EDN1: variants seen among roughly 807,000 people sequenced by gnomAD.
EDN1 encodes the protein endothelin-1.
Under a neutral mutation model 21.7 loss-of-function variants are expected in EDN1, and 11 were observed. The observed-to-expected ratio is 0.51, with a 90% CI of 0.32 to 0.84. The LOEUF is 0.84. EDN1 is among the 40% of genes least tolerant of loss of function. EDN1 has a pLI of 0.03. For synonymous variants in EDN1, 85 were observed against 90.6 expected (o/e 0.94, Z 0.35); for missense variants, 244 against 262.3 (o/e 0.93, Z 0.48).
chr6:12,240,078 C>T, the EDN1 span, among the ~76,000 whole-genome samples: 2 of 152,128 alleles, frequency 1.3e-5, no homozygotes, highest in African/African-American at 2.4e-5. Context: ...TGCTTATAGG[C>T]AGAATTGGTA....
chr6:12,282,438 A>T, the EDN1 span, among the ~76,000 whole-genome samples: 1 of 152,188 alleles, frequency 6.6e-6, no homozygotes, highest in South Asian at 2.1e-4. Flanking sequence ...GATCCTTTCC[A>T]CTTTGTAGCA....
chr6:12,287,673 A>G (rs1396954398), upstream of EDN1, among the ~76,000 whole-genome samples: 4 of 61,292 alleles, frequency 6.5e-5, no homozygotes, highest in African/African-American at 2.5e-4. Context: ...CTCTTCTCCT[A>G]TCTCTCTCTC....
At chr6:12,266,674 C>T in the EDN1 span, among the ~76,000 whole-genome samples, 2 of 152,140 alleles carry the variant, frequency 1.3e-5, no homozygotes, top group Admixed American at 6.5e-5. Flanking sequence ...GGAAAGGTGA[C>T]AACTAAGCAG....
chr6:12,273,574 A>G, the EDN1 span, among the ~76,000 whole-genome samples: 1 of 145,556 alleles, frequency 6.9e-6, no homozygotes, highest in African/African-American at 2.5e-5. Flanking sequence ...TTAAACACTG[A>G]TGAGAGATGC....
At chr6:12,244,463 T>C in the EDN1 span, among the ~76,000 whole-genome samples, 3 of 152,236 alleles carry the variant, frequency 2.0e-5, no homozygotes, top group Non-Finnish European at 4.4e-5. Context: ...AAAGTTTTGC[T>C]TGAAGGTTCA....
At chr6:12,238,377 G>A in the EDN1 span, among the ~76,000 whole-genome samples, 1 of 152,128 alleles carries the variant, frequency 6.6e-6, no homozygotes, top group African/African-American at 2.4e-5. Flanking sequence ...GCGTCATGGG[G>A]AAAGTGAAGG....
chr6:12,280,260 G>A, the EDN1 span, among the ~76,000 whole-genome samples: 10 of 152,252 alleles, frequency 6.6e-5, no homozygotes, highest in East Asian at 1.7e-3. Flanking sequence ...CAATGAAGAC[G>A]AGCAGCAGGA....
At chr6:12,233,802 G>C in the EDN1 span, among the ~76,000 whole-genome samples, 1 of 152,182 alleles carries the variant, frequency 6.6e-6, no homozygotes, top group African/African-American at 2.4e-5. Context: ...CCTTGGGGTT[G>C]ATGTCCCAAG....
the EDN1 span, among the ~76,000 whole-genome samples, chr6:12,241,150 TTTTC>T: frequency 9.5e-5 from 14 of 146,942 alleles, no homozygotes; most frequent in African/African-American, 2.2e-4. Flanking sequence ...CTTTTTTTTC[TTTTC>T]TTTCTTTCTT....
chr6:12,241,125 G>C, the EDN1 span, among the ~76,000 whole-genome samples: 1 of 151,448 alleles, frequency 6.6e-6, no homozygotes, highest in African/African-American at 2.4e-5. Flanking sequence ...TACACTGTGG[G>C]AACCTTAGGA....
the EDN1 span, among the ~76,000 whole-genome samples, chr6:12,246,361 A>C: frequency 1.3e-5 from 2 of 152,300 alleles, no homozygotes; most frequent in African/African-American, 4.8e-5. Context: ...GCTCAGAGGC[A>C]ATCACTTCTT....
upstream of EDN1, among the ~76,000 whole-genome samples, chr6:12,285,970 T>C (rs1009794082): frequency 2.6e-5 from 4 of 152,248 alleles, no homozygotes; most frequent in African/African-American, 4.8e-5. Flanking sequence ...TGATTTCATA[T>C]GGATTATTTA....
the EDN1 span, among the ~76,000 whole-genome samples, chr6:12,253,488 A>T: frequency 6.6e-6 from 1 of 152,184 alleles, no homozygotes; most frequent in African/African-American, 2.4e-5. Flanking sequence ...AATAGCAAAA[A>T]CTAGCATATG....
At chr6:12,276,546 G>T in the EDN1 span, among the ~76,000 whole-genome samples, 1 of 152,206 alleles carries the variant, frequency 6.6e-6, no homozygotes, top group Admixed American at 6.5e-5. Context: ...CAAGACGTTT[G>T]TACCGAGTTA....
Position 12,296,165 on chromosome 6 carries a change from C to A in EDN1, c.*98C>A. 1 of 1,084,958 alleles carries A rather than the reference C, an allele frequency of 9.2e-7. No homozygotes were observed. The highest frequency in any genetic ancestry group is 1.3e-5 in the South Asian group (1 of 79,984). 67.2% of individuals were successfully genotyped at this position (1,084,958 alleles called of 1,614,324 possible). On this transcript the variant is annotated 3_prime_UTR_variant, in exon 5 of 5. Coordinates refer to ENST00000379375, the MANE Select transcript of EDN1 (RefSeq NM_001955.5). ...TGGCTGGGATCAGAGCAGGAGCATC[C>A]TCTGCTGGTTCCTGACTGGCAAAGG...
chr6:12,290,141 T>A (rs1303436571), upstream of EDN1, among the ~76,000 whole-genome samples: 1 of 152,194 alleles, frequency 6.6e-6, no homozygotes, highest in Non-Finnish European at 1.5e-5. Flanking sequence ...ATGGGTATTT[T>A]CTTTTTCTTA....
At chr6:12,248,905 A>G in the EDN1 span, among the ~76,000 whole-genome samples, 1 of 152,254 alleles carries the variant, frequency 6.6e-6, no homozygotes, top group Non-Finnish European at 1.5e-5. Flanking sequence ...TGTATATTCA[A>G]TGTGATGATA....
the EDN1 span, among the ~76,000 whole-genome samples, chr6:12,261,442 G>T: frequency 6.6e-6 from 1 of 152,358 alleles, no homozygotes; most frequent in East Asian, 1.9e-4. Flanking sequence ...GCATGTTCCA[G>T]ATGGGTAACA....
At chr6:12,292,629 G>T in intron 2 of EDN1, 120 bp downstream of exon 2, 1 of 1,167,748 alleles carries the variant, frequency 8.6e-7, no homozygotes, top group Non-Finnish European at 1.3e-6. Flanking sequence ...CCATCCAAGT[G>T]CCTCAGTGGG....
Sources: allele counts gnomAD v4.1 joint callset (sites outside exome capture counted in the v4.1 genomes callset), GRCh38; gene constraint gnomAD v4.1.1; transcripts MANE v1.5; gene names NCBI Gene and HGNC (gene_info 2026-07-23, HGNC 2026-07-21).